Variants in NCOA6 observed in about 807,000 individuals in gnomAD.
NCOA6 encodes NRC RAP250.
NCOA6 carries 49 observed loss-of-function variants against 171.4 expected under a neutral mutation model. The ratio of observed to expected loss-of-function variants is 0.29; its 90% CI spans 0.23 to 0.36. The LOEUF is 0.36. Ranked by LOEUF, NCOA6 falls within the 10% of genes least tolerant of loss-of-function variation. The pLI, the probability that NCOA6 is intolerant of heterozygous loss-of-function variation, is 1.00. For synonymous variants in NCOA6, 910 were observed against 927.5 expected, an observed-to-expected ratio of 0.98 and a Z score of 0.34; for missense variants, 2,248 against 2,554.5, an observed-to-expected ratio of 0.88 and a Z score of 2.59.
At chr20:34,754,696 G>C (rs2076592740) in intron 8 of NCOA6, 26 bp downstream of exon 8, 3 of 1,613,702 alleles carry the variant, frequency 1.9e-6, no homozygotes, top group Non-Finnish European at 2.5e-6. Context: ...AATAAATGCT[G>C]GCTAAACAAA....
At chr20:34,824,710 C>T (rs904196264) in intron 1 of NCOA6, among the ~76,000 whole-genome samples, 2 of 152,210 alleles carry the variant, frequency 1.3e-5, no homozygotes, top group Non-Finnish European at 2.9e-5. Flanking sequence ...CCCCTTTTCT[C>T]TCATCAAACA....
chr20:34,810,624 C>T (rs914932452), intron 1 of NCOA6, among the ~76,000 whole-genome samples: 11 of 151,590 alleles, frequency 7.3e-5, no homozygotes, highest in Non-Finnish European at 1.0e-4. Flanking sequence ...GGTGCAATCT[C>T]GGCTCACTGC....
At chr20:34,758,256 C>T in intron 6 of NCOA6, 152 bp from the exon 7 acceptor site, 1 of 1,074,288 alleles carries the variant, frequency 9.3e-7, no homozygotes, top group Non-Finnish European at 1.3e-6. Flanking sequence ...TATGAAGCAA[C>T]ATACCAAGAT....
intron 5 of NCOA6, among the ~76,000 whole-genome samples, chr20:34,761,061 A>G (rs942717961): frequency 1.3e-5 from 2 of 152,124 alleles, no homozygotes; most frequent in African/African-American, 4.8e-5. Flanking sequence ...GTCTCTAGTA[A>G]AAATACAAAA....
At chr20:34,785,619 TG>T (rs1423928285) in intron 2 of NCOA6, among the ~76,000 whole-genome samples, 1 of 152,056 alleles carries the variant, frequency 6.6e-6, no homozygotes, top group East Asian at 1.9e-4. Flanking sequence ...AAATGATGAC[TG>T]CCTAAAAAAC....
rs893181571 is a variant in NCOA6, at chr20:34,823,335, T to C, written c.-164+2137A>G. Among the ~76,000 whole-genome samples, 21 of 151,658 alleles carry C rather than the reference T, an allele frequency of 1.4e-4. No individual in the cohort carries two copies. In the East Asian group the frequency reaches 3.5e-3, roughly 25 times the overall value. ...GATTTCAAGACCAGCCTGGGCAACA[T>C]GTTGAAACCCCAACTCTACAAACAG... On this transcript the variant is annotated intron_variant, in intron 1 of 14. Coordinates refer to ENST00000359003, the MANE Select transcript of NCOA6 (RefSeq NM_014071.5).
chr20:34,773,129 T>C (rs1192613130), intron 4 of NCOA6, among the ~76,000 whole-genome samples: 1 of 152,202 alleles, frequency 6.6e-6, no homozygotes, highest in African/African-American at 2.4e-5. Flanking sequence ...CATGTTTACT[T>C]GTTTACATAT....
intron 4 of NCOA6, among the ~76,000 whole-genome samples, chr20:34,773,680 T>C (rs558100237): frequency 1.3e-5 from 2 of 152,312 alleles, no homozygotes; most frequent in East Asian, 1.9e-4. Flanking sequence ...CGCCCCACCA[T>C]GCTCGGCTAA....
chr20:34,743,460 G>T, intron 10 of NCOA6, 119 bp from the exon 11 acceptor site: 1 of 1,060,928 alleles, frequency 9.4e-7, no homozygotes, highest in African/African-American at 1.6e-5. Context: ...AAACAGCTCA[G>T]GCATGCCCAC....
rs1183203170 is a variant in NCOA6 at position 34,757,569 on chromosome 20, C to T, written c.1179G>A (p.Met393Ile). Reference sequence around the variant, plus strand: ...GAGCTGTGAACTGGCCTGGGTTGCTCATCTGAGGAAAGTTTGTGTGGGCTT... The same window carrying T: ...GAGCTGTGAACTGGCCTGGGTTGCTTATCTGAGGAAAGTTTGTGTGGGCTT... ...ASQAHTNFPQ[M>I]SNPGQFTAPQ... is the part of the protein sequence containing the mutation. The change falls in exon 7 of 15, where the codon ATG becomes ATA. Residue 393 changes from methionine (M) to isoleucine (I), a missense_variant. Physicochemically the swap from Met to Ile is conservative, Grantham distance 10 (BLOSUM62 1). This residue lies in a region of NCOA6 where 987 missense variants were observed against 1,104.7 expected (regional missense o/e 0.89). Coordinates refer to ENST00000359003, the MANE Select transcript of NCOA6 (RefSeq NM_014071.5). 2 of 1,613,840 alleles carry T rather than the reference C, an allele frequency of 1.2e-6. No individual in the cohort carries two copies. The highest frequency in any genetic ancestry group is 2.2e-5 in the South Asian group (2 of 91,068).
intron 2 of NCOA6, among the ~76,000 whole-genome samples, chr20:34,785,822 C>G (rs1056809597): frequency 2.0e-5 from 3 of 149,694 alleles, no homozygotes; most frequent in Non-Finnish European, 4.4e-5. Context: ...AAATCTTCTA[C>G]TGGCAGATAC....
intron 10 of NCOA6, among the ~76,000 whole-genome samples, chr20:34,744,839 C>T (rs141150096): frequency 3.3e-5 from 5 of 152,258 alleles, no homozygotes; most frequent in Admixed American, 3.3e-4. Flanking sequence ...GTAATTGCTA[C>T]AAAAGCCTGT....
At chr20:34,717,089 A>G (rs1237942331) in intron 14 of NCOA6, among the ~76,000 whole-genome samples, 1 of 152,254 alleles carries the variant, frequency 6.6e-6, no homozygotes, top group East Asian at 1.9e-4. Flanking sequence ...TTGTGAACCC[A>G]GACTCTAATA....
intron 4 of NCOA6, among the ~76,000 whole-genome samples, chr20:34,774,303 C>T (rs1190471705): frequency 6.6e-6 from 1 of 152,208 alleles, no homozygotes; most frequent in East Asian, 1.9e-4. Context: ...GTTCGACTTC[C>T]ACTTTTCCTA....
At chr20:34,780,928 A>G (rs2077500258) in intron 3 of NCOA6, among the ~76,000 whole-genome samples, 1 of 152,234 alleles carries the variant, frequency 6.6e-6, no homozygotes, top group African/African-American at 2.4e-5. Flanking sequence ...TGCTGGGATT[A>G]CAGGCATGAA....
At chr20:34,793,715 C>CA (rs1014361324) in intron 1 of NCOA6, among the ~76,000 whole-genome samples, 1 of 151,200 alleles carries the variant, frequency 6.6e-6, no homozygotes, top group Non-Finnish European at 1.5e-5. Context: ...CATTGTAAGT[C>CA]AAAAAAACAA....
intron 13 of NCOA6, among the ~76,000 whole-genome samples, chr20:34,729,027 T>C (rs1221607926): frequency 1.3e-5 from 2 of 152,208 alleles, no homozygotes; most frequent in Non-Finnish European, 2.9e-5. Flanking sequence ...CTCAGCAAAG[T>C]GCAAACTCTG....
At position 34,802,462 on chromosome 20, in the gene NCOA6, G is replaced by A. The variant is rs1217190333; in HGVS notation, c.-163-9899C>T. Among the ~76,000 whole-genome samples the A allele has an allele frequency of 7.2e-5, 11 of 152,122 alleles. No homozygotes were observed. The East Asian group carries it at 1.4e-3, about 19-fold the overall frequency. On this transcript the variant is annotated intron_variant, in intron 1 of 14. Coordinates refer to ENST00000359003, the MANE Select transcript of NCOA6 (RefSeq NM_014071.5). ...CTAAAAATACAAAAATTAGCTGGGC[G>A]TGGTGGCGCATGCCTGTAATCCCAG...
Position 34,746,941 on chromosome 20 carries a change from A to G in NCOA6, c.2793-13T>C. ...AGTATCTGGGGTGCTAAAAAAAAAA[A>G]AAAAAAAAAAAGTGACATATTTTAG... On this transcript the variant is annotated splice_polypyrimidine_tract_variant and intron_variant, in intron 9 of 14. Coordinates refer to ENST00000359003, the MANE Select transcript of NCOA6 (RefSeq NM_014071.5). 6.6e-7 allele frequency: 1 copy of G among 1,511,820 alleles called. No individual in the cohort carries two copies. 93.7% of individuals were successfully genotyped at this position (1,511,820 alleles called of 1,614,324 possible).
Sources: gnomAD v4.1 joint callset for allele counts (sites outside exome capture counted in the v4.1 genomes callset) on GRCh38, gnomAD v4.1.1 for gene constraint, gnomAD v4.1.1 regional missense constraint, MANE v1.5 for transcripts, NCBI Gene and HGNC (gene_info 2026-07-23, HGNC 2026-07-21) for gene names.